The following ANO2 variants were observed in gnomAD, a reference collection of about 807,000 sequenced individuals.
ANO2 encodes the protein anoctamin 2.
A neutral mutation model predicts 124.2 loss-of-function variants in ANO2; 101 were observed. The observed-to-expected ratio is 0.81, with a 90% CI of 0.69 to 0.96. ANO2 has a LOEUF of 0.96. ANO2 is among the 40% of genes least tolerant of loss of function. The probability of loss-of-function intolerance (pLI) is 0.00; values close to 1 mark genes in which losing one functional copy is unlikely to be tolerated. For synonymous variants in ANO2, 486 were observed against 482.5 expected (o/e 1.01, Z -0.09); for missense variants, 1,293 against 1,274.5 (o/e 1.01, Z -0.22).
At chr12:5,689,598 G>A (rs979234348) in intron 14 of ANO2, among the ~76,000 whole-genome samples, 6 of 152,052 alleles carry the variant, frequency 3.9e-5, no homozygotes, top group African/African-American at 1.4e-4. Flanking sequence ...CCGCTGTGAC[G>A]GGTTCTATCT....
At chr12:5,593,819 C>T (rs771552843) in intron 20 of ANO2, among the ~76,000 whole-genome samples, 1 of 152,190 alleles carries the variant, frequency 6.6e-6, no homozygotes, top group Non-Finnish European at 1.5e-5. Flanking sequence ...AGTCATGTAG[C>T]TAGCATGCAG....
chr12:5,691,067 C>T (rs994693364), intron 14 of ANO2, among the ~76,000 whole-genome samples: 8 of 152,072 alleles, frequency 5.3e-5, no homozygotes, highest in South Asian at 2.1e-4. Context: ...CGGTGGCTCA[C>T]GCCTGTAATC....
chr12:5,808,097 G>A (rs752043882), intron 7 of ANO2, among the ~76,000 whole-genome samples: 27 of 152,200 alleles, frequency 1.8e-4, no homozygotes, highest in Admixed American at 5.2e-4. Context: ...AACTTCTCAT[G>A]CAGTAAACAT....
intron 19 of ANO2, among the ~76,000 whole-genome samples, chr12:5,603,455 T>C (rs907978554): frequency 6.6e-6 from 1 of 152,216 alleles, no homozygotes; most frequent in Non-Finnish European, 1.5e-5. Flanking sequence ...ACTAAATAAA[T>C]AATTTACTCT....
At chr12:5,885,067 T>C (rs1938790369) in intron 3 of ANO2, among the ~76,000 whole-genome samples, 1 of 152,178 alleles carries the variant, frequency 6.6e-6, no homozygotes, top group Non-Finnish European at 1.5e-5. Context: ...ATATTCCTAT[T>C]CCGTGGAAGC....
chr12:5,640,782 T>C (rs965991113), intron 15 of ANO2, among the ~76,000 whole-genome samples: 4 of 152,182 alleles, frequency 2.6e-5, no homozygotes, highest in African/African-American at 7.2e-5. Flanking sequence ...GGTGGGAGCG[T>C]GAACTAGTTC....
intron 12 of ANO2, among the ~76,000 whole-genome samples, chr12:5,743,259 T>A (rs1009862658): frequency 6.6e-6 from 1 of 152,012 alleles, no homozygotes. Context: ...TCAAACAGCC[T>A]CTGCAGCAGG....
At chr12:5,878,486 C>T (rs1231964822) in intron 3 of ANO2, among the ~76,000 whole-genome samples, 2 of 152,236 alleles carry the variant, frequency 1.3e-5, no homozygotes, top group Non-Finnish European at 2.9e-5. Flanking sequence ...GTCCAAAACA[C>T]TTGATAAATT....
intron 16 of ANO2, among the ~76,000 whole-genome samples, chr12:5,634,827 G>A (rs1409244969): frequency 1.3e-5 from 2 of 152,216 alleles, no homozygotes; most frequent in South Asian, 2.1e-4. Context: ...GAAGTCTTGA[G>A]TCTGCCTTGC....
intron 23 of ANO2, among the ~76,000 whole-genome samples, chr12:5,567,831 A>T (rs1365806103): frequency 6.6e-6 from 1 of 152,234 alleles, no homozygotes; most frequent in Non-Finnish European, 1.5e-5. Context: ...TAACACAGAG[A>T]TCTGTTCAGA....
intron 16 of ANO2, among the ~76,000 whole-genome samples, chr12:5,624,364 C>T (rs1182183187): frequency 3.3e-5 from 5 of 152,150 alleles, no homozygotes; most frequent in African/African-American, 4.8e-5. Context: ...ATGTGCCAAG[C>T]ACCATACAAG....
chr12:5,766,825 A>G (rs1443303484), intron 10 of ANO2, among the ~76,000 whole-genome samples: 3 of 152,238 alleles, frequency 2.0e-5, no homozygotes, highest in Non-Finnish European at 4.4e-5. Context: ...ACTCTGGCTC[A>G]GTCGGAGACT....
chr12:5,732,210 T>C (rs1323846478), intron 14 of ANO2, among the ~76,000 whole-genome samples: 2 of 152,172 alleles, frequency 1.3e-5, no homozygotes, highest in South Asian at 2.1e-4. Context: ...TGGTGGGGTA[T>C]TGAATGTTAT....
At chr12:5,879,549 C>T (rs1251474348) in intron 3 of ANO2, among the ~76,000 whole-genome samples, 4 of 152,104 alleles carry the variant, frequency 2.6e-5, no homozygotes, top group Admixed American at 6.5e-5. Context: ...GGGAAACAGA[C>T]ATGAAAACAA....
At chr12:5,752,969 T>C (rs1028939840) in intron 10 of ANO2, among the ~76,000 whole-genome samples, 1 of 152,192 alleles carries the variant, frequency 6.6e-6, no homozygotes, top group Non-Finnish European at 1.5e-5. Context: ...GAAGAGTAAG[T>C]AGTATGAACA....
At chr12:5,670,579 G>A (rs900187065) in intron 14 of ANO2, among the ~76,000 whole-genome samples, 33 of 152,104 alleles carry the variant, frequency 2.2e-4, no homozygotes, top group Admixed American at 6.5e-5. Context: ...CTATTGCCCA[G>A]GCTGGAGTAC....
chr12:5,661,430 G>T (rs1947435714), intron 14 of ANO2, among the ~76,000 whole-genome samples: 2 of 152,218 alleles, frequency 1.3e-5, no homozygotes, highest in South Asian at 4.1e-4. Flanking sequence ...AAGGGAATCA[G>T]AATCCTTTGT....
At chr12:5,799,729 G>A (rs1212044754) in intron 9 of ANO2, among the ~76,000 whole-genome samples, 158 bp from the exon 10 acceptor site, 2 of 152,178 alleles carry the variant, frequency 1.3e-5, no homozygotes, top group Non-Finnish European at 2.9e-5. Context: ...GGGAGGCTAT[G>A]GAAACTGGCT....
intron 6 of ANO2, among the ~76,000 whole-genome samples, chr12:5,829,850 G>A (rs1302135434): frequency 1.3e-5 from 2 of 152,176 alleles, no homozygotes; most frequent in East Asian, 3.8e-4. Context: ...AAGGCAAAAC[G>A]ACTGTAGAAG....
Sources: allele counts gnomAD v4.1 joint callset (sites outside exome capture counted in the v4.1 genomes callset), GRCh38; gene constraint gnomAD v4.1.1; transcripts MANE v1.5; gene names NCBI Gene and HGNC (gene_info 2026-07-23, HGNC 2026-07-21).